SLC44A5: variants seen among roughly 807,000 people sequenced by gnomAD.
SLC44A5 encodes choline transporter-like protein 5.
SLC44A5 carries 57 observed loss-of-function variants against 101.8 expected under a neutral mutation model. That is an observed-to-expected ratio of 0.56 (90% CI 0.45 to 0.70). SLC44A5 has a LOEUF of 0.70. SLC44A5 is among the 30% of genes least tolerant of loss of function. SLC44A5 has a pLI of 0.00. For synonymous variants in SLC44A5, 281 were observed against 290.9 expected (o/e 0.97, Z 0.35); for missense variants, 737 against 853.1 (o/e 0.86, Z 1.70).
At chr1:75,545,441 TC>T (rs992345115) in intron 1 of SLC44A5, among the ~76,000 whole-genome samples, 3 of 152,220 alleles carry the variant, frequency 2.0e-5, no homozygotes, top group Non-Finnish European at 4.4e-5. Flanking sequence ...TTAAAGAATG[TC>T]CCTTTGGTTC....
At chr1:75,623,579 C>T in the SLC44A5 span, among the ~76,000 whole-genome samples, 1 of 151,952 alleles carries the variant, frequency 6.6e-6, no homozygotes, top group Non-Finnish European at 1.5e-5. Flanking sequence ...TTGAAAGTCT[C>T]AAAGGATAAG....
At chr1:75,649,825 T>G in the SLC44A5 span, among the ~76,000 whole-genome samples, 5 of 152,212 alleles carry the variant, frequency 3.3e-5, 1 homozygote, top group East Asian at 9.7e-4. Context: ...GGAGCAGAGG[T>G]GTATGCCTGT....
At chr1:75,714,906 T>C in the SLC44A5 span, among the ~76,000 whole-genome samples, 1 of 152,104 alleles carries the variant, frequency 6.6e-6, no homozygotes, top group Non-Finnish European at 1.5e-5. Context: ...ACTCCTGACC[T>C]CAGGTGATCC....
chr1:75,476,990 T>A (rs921871998), intron 2 of SLC44A5, among the ~76,000 whole-genome samples: 2 of 152,200 alleles, frequency 1.3e-5, no homozygotes, highest in Admixed American at 1.3e-4. Context: ...GCAGCCTAAC[T>A]GGGAGGCACC....
intron 12 of SLC44A5, among the ~76,000 whole-genome samples, chr1:75,232,893 A>G (rs1271099611): frequency 6.6e-6 from 1 of 152,210 alleles, no homozygotes; most frequent in East Asian, 1.9e-4. Context: ...ATTCAACTGC[A>G]TTCTTATATG....
chr1:75,357,354 T>G (rs1302608392), intron 3 of SLC44A5: 1 of 353,100 alleles, frequency 2.8e-6, no homozygotes, highest in Non-Finnish European at 5.7e-6. Context: ...GACCAAAAAC[T>G]TCCATCTAAG....
chr1:75,628,190 C>T, the SLC44A5 span, among the ~76,000 whole-genome samples: 3 of 152,020 alleles, frequency 2.0e-5, no homozygotes, highest in South Asian at 4.2e-4. Context: ...AAAGAAGTTT[C>T]CCTCTGCCTC....
At chr1:75,518,784 G>C (rs1669967372) in intron 2 of SLC44A5, among the ~76,000 whole-genome samples, 2 of 152,292 alleles carry the variant, frequency 1.3e-5, no homozygotes, top group East Asian at 1.9e-4. Context: ...ATACATGTGA[G>C]ATGTCCAGAC....
chr1:75,520,835 A>G (rs1670078887), intron 2 of SLC44A5, among the ~76,000 whole-genome samples: 1 of 152,186 alleles, frequency 6.6e-6, no homozygotes, highest in South Asian at 2.1e-4. Flanking sequence ...ACTGTTTTTA[A>G]CAATACACTA....
chr1:75,427,047 T>C (rs1178284866), intron 2 of SLC44A5, among the ~76,000 whole-genome samples: 2 of 152,190 alleles, frequency 1.3e-5, no homozygotes, highest in African/African-American at 4.8e-5. Flanking sequence ...CCCTGCCGGC[T>C]ACTCAGGTTC....
Position 75,217,950 on chromosome 1 carries a change from C to G in SLC44A5, c.1540G>C (p.Gly514Arg). 6.3e-7 allele frequency: 1 copy of G among 1,593,098 alleles called. No individual in the cohort carries two copies. Among genetic ancestry groups the G allele is most frequent in the Non-Finnish European group, 8.6e-7 (1 of 1,161,568 alleles). Residue 514 changes from glycine to arginine, a missense_variant, in exon 18 of 24, where the codon GGA becomes CGA. By Grantham distance (125) the Gly-to-Arg change is moderately radical. Transcript: ENST00000370859. ...AFGRAIRYHT[G>R]SLAFGSLIIA... ...ATTAAAGATCCAAATGCTAGGGATC[C>G]TGTGTGATATCTGCACAAAAATAAA...
intron 1 of SLC44A5, among the ~76,000 whole-genome samples, chr1:75,556,997 A>C (rs536734788): frequency 6.6e-6 from 1 of 152,276 alleles, no homozygotes; most frequent in African/African-American, 2.4e-5. Context: ...TAGCTTCCTC[A>C]GGGGTTTTAC....
Position 75,227,869 on chromosome 1 carries a change from A to C in SLC44A5, c.854-12T>G. ...ACAGTGCCATATTCCTTGAAAAAGA[A>C]AGAAAAACAGAATAATATAAAATAT... On this transcript the variant is annotated splice_polypyrimidine_tract_variant and intron_variant, in intron 12 of 23. Coordinates refer to ENST00000370859, the MANE Select transcript of SLC44A5 (RefSeq NM_001130058.2). The C allele has an allele frequency of 6.3e-7, 1 of 1,576,736 alleles. No individual in the cohort carries two copies. The highest frequency in any genetic ancestry group is 8.6e-7 in the Non-Finnish European group (1 of 1,167,800).
intron 1 of SLC44A5, among the ~76,000 whole-genome samples, chr1:75,553,024 A>T (rs1672026364): frequency 6.6e-6 from 1 of 152,186 alleles, no homozygotes; most frequent in Non-Finnish European, 1.5e-5. Flanking sequence ...ACCAAGTCAA[A>T]AATGAAAAAC....
At chr1:75,337,097 T>C (rs1657504071) in intron 4 of SLC44A5, among the ~76,000 whole-genome samples, 1 of 152,176 alleles carries the variant, frequency 6.6e-6, no homozygotes, top group Non-Finnish European at 1.5e-5. Context: ...GTCTCAAGTG[T>C]AATAATGCTA....
At chr1:75,385,111 A>T (rs1279211352) in intron 3 of SLC44A5, among the ~76,000 whole-genome samples, 1 of 152,052 alleles carries the variant, frequency 6.6e-6, no homozygotes, top group African/African-American at 2.4e-5. Flanking sequence ...AGCAGGAAAG[A>T]TCCAAAATTG....
chr1:75,337,623 A>G (rs1657548495), intron 4 of SLC44A5, among the ~76,000 whole-genome samples: 1 of 152,158 alleles, frequency 6.6e-6, no homozygotes, highest in Non-Finnish European at 1.5e-5. Flanking sequence ...GGCCTGGGGA[A>G]ACACCTTAAA....
intron 2 of SLC44A5, among the ~76,000 whole-genome samples, chr1:75,475,694 T>C (rs778698487): frequency 7.2e-5 from 11 of 152,182 alleles, no homozygotes; most frequent in Non-Finnish European, 1.5e-4. Flanking sequence ...CATTACAGGA[T>C]TAGGAATTAG....
At chr1:75,386,646 A>G (rs1360279594) in intron 3 of SLC44A5, among the ~76,000 whole-genome samples, 8 of 152,214 alleles carry the variant, frequency 5.3e-5, no homozygotes, top group South Asian at 4.1e-4. Context: ...AAGGTAATTT[A>G]CAGATTCAAT....
Sources: gnomAD v4.1 joint callset for allele counts (sites outside exome capture counted in the v4.1 genomes callset) on GRCh38, gnomAD v4.1.1 for gene constraint, MANE v1.5 for transcripts, NCBI Gene and HGNC (gene_info 2026-07-23, HGNC 2026-07-21) for gene names.